Variants in PHF21A observed in about 807,000 individuals in gnomAD.
The protein encoded by PHF21A is BHC80a.
PHF21A carries 11 observed loss-of-function variants against 82.5 expected under a neutral mutation model. The ratio of observed to expected loss-of-function variants is 0.13; its 90% CI spans 0.08 to 0.22. The LOEUF (loss-of-function observed/expected upper bound fraction) is 0.22. PHF21A is among the 10% of genes least tolerant of loss of function. The probability of loss-of-function intolerance (pLI) is 1.00; values close to 1 mark genes in which losing one functional copy is unlikely to be tolerated. For missense variants in PHF21A, 579 were observed against 837.8 expected, an observed-to-expected ratio of 0.69 and a Z score of 3.81; for synonymous variants, 297 against 302.8, an observed-to-expected ratio of 0.98 and a Z score of 0.20.
chr11:46,064,309 C>T (rs992973435), intron 6 of PHF21A, among the ~76,000 whole-genome samples: 5 of 152,048 alleles, frequency 3.3e-5, no homozygotes, highest in East Asian at 1.9e-4. Flanking sequence ...GATGGAGGTG[C>T]GAGCAGGAGA....
At chr11:46,007,587 T>C (rs2095324808) in intron 6 of PHF21A, among the ~76,000 whole-genome samples, 1 of 152,192 alleles carries the variant, frequency 6.6e-6, no homozygotes, top group Admixed American at 6.5e-5. Context: ...GTGCTGGGTA[T>C]TACAGGTGTG....
chr11:45,934,431 T>C (rs1453314636), intron 18 of PHF21A: 2 of 542,012 alleles, frequency 3.7e-6, no homozygotes, highest in African/African-American at 2.0e-5. Flanking sequence ...GGCTGGGGGG[T>C]CCCAGGTCCC....
At chr11:46,099,068 CA>C (rs1216876755) in intron 1 of PHF21A, among the ~76,000 whole-genome samples, 5 of 152,068 alleles carry the variant, frequency 3.3e-5, no homozygotes, top group Non-Finnish European at 7.4e-5. Flanking sequence ...AAGAACAACA[CA>C]TTAAGAAAAT....
At chr11:45,953,347 A>G (rs924353611) in intron 11 of PHF21A, among the ~76,000 whole-genome samples, 180 bp downstream of exon 11, 1 of 152,082 alleles carries the variant, frequency 6.6e-6, no homozygotes, top group African/African-American at 2.4e-5. Flanking sequence ...TCAAGACTAC[A>G]GTCTAAGAAT....
At chr11:45,952,464 T>G (rs2092251791) in intron 11 of PHF21A, among the ~76,000 whole-genome samples, 1 of 152,222 alleles carries the variant, frequency 6.6e-6, no homozygotes, top group South Asian at 2.1e-4. Context: ...GGCTGGATCC[T>G]TCAGTTTCCT....
rs1006059156 is a variant in PHF21A at position 45,931,751 on chromosome 11, T to C, written c.*2217A>G. On this transcript the variant is annotated 3_prime_UTR_variant, in exon 19 of 19. Coordinates refer to ENST00000676320, the MANE Select transcript of PHF21A (RefSeq NM_001352027.3). The stretch of plus-strand genomic sequence containing the variant: ...GGGAGATGCTCCAGCAGGGCCAGGG[T>C]ACAGAGCCTCCACCGCCCTCCCATC... 5.3e-5 allele frequency: 8 copies of C among 152,052 alleles called. No individual in the cohort carries two copies. The highest frequency in any genetic ancestry group is 1.2e-4 in the Non-Finnish European group (8 of 68,108). The allele number at this position is 152,052 out of a possible 1,614,324, so 9.4% of individuals were successfully genotyped here. A position where few individuals can be genotyped will look rare whatever the true frequency, so the allele number is the denominator to read the frequency against.
chr11:45,938,046 A>G, intron 16 of PHF21A, 111 bp downstream of exon 16: 1 of 913,090 alleles, frequency 1.1e-6, no homozygotes, highest in East Asian at 2.6e-5. Flanking sequence ...TGCAGCCCGG[A>G]GACGGACTGG....
chr11:45,931,898 G>A lies in PHF21A; in HGVS notation c.*2070C>T, dbSNP rs568430611. On this transcript the variant is annotated 3_prime_UTR_variant, in exon 19 of 19. Transcript: ENST00000676320. Reference sequence around the variant, plus strand: ...TTCACAACCCTGGTTTTCTCAAGGAGAGGCCACAACCGGCCAAGCCGAGGC... The same window carrying A: ...TTCACAACCCTGGTTTTCTCAAGGAAAGGCCACAACCGGCCAAGCCGAGGC... 1.3e-5 allele frequency: 2 copies of A among 152,386 alleles called. No homozygotes were observed. Among genetic ancestry groups the A allele is most frequent in the South Asian group, 4.1e-4 (2 of 4,824 alleles). 9.4% of individuals were successfully genotyped at this position (152,386 alleles called of 1,614,324 possible).
chr11:45,956,034 A>C (rs1272331134), intron 10 of PHF21A, among the ~76,000 whole-genome samples: 1 of 152,206 alleles, frequency 6.6e-6, no homozygotes, highest in Non-Finnish European at 1.5e-5. Flanking sequence ...AGTGCTGAGC[A>C]AAAAAACCCC....
At position 45,991,019 on chromosome 11, in the gene PHF21A, C is replaced by T. The variant is rs76773787; in HGVS notation, c.154-11053G>A. On this transcript the variant is annotated intron_variant, in intron 6 of 18. Transcript: ENST00000676320. ...GAGTAGTTTCACTGTCCTGAAATTC[C>T]TCTATGCCTGTCTATTCAGCACAAC... is the stretch of plus-strand genomic sequence containing the variant. Among the ~76,000 whole-genome samples, 517 of 152,266 alleles carry T rather than the reference C, an allele frequency of 3.4e-3. 3 individuals carry two copies. The highest frequency in any genetic ancestry group is 5.1e-3 in the Non-Finnish European group (344 of 68,014).
intron 15 of PHF21A, among the ~76,000 whole-genome samples, chr11:45,943,934 G>A (rs186301931): frequency 2.6e-5 from 4 of 152,216 alleles, no homozygotes; most frequent in East Asian, 1.9e-4. Context: ...CAATCCAAAC[G>A]GAGAGGCATT....
chr11:45,953,631 A>G lies in PHF21A; in HGVS notation c.997-6T>C, dbSNP rs2092373098. 1 of 1,589,130 alleles carries G rather than the reference A, an allele frequency of 6.3e-7. No homozygotes were observed. Reference sequence around the variant, plus strand: ...TCTGTGTGAGATTTAACTGTCTAGGAGAGAAAAATTAAATAAAAATTCAGA... The same window carrying G: ...TCTGTGTGAGATTTAACTGTCTAGGGGAGAAAAATTAAATAAAAATTCAGA... On this transcript the variant is annotated splice_region_variant and splice_polypyrimidine_tract_variant and intron_variant, in intron 10 of 18. Transcript: ENST00000676320.
chr11:46,098,245 A>G lies in PHF21A; in HGVS notation c.-236-6022T>C, dbSNP rs1409679515. 2.0e-5 allele frequency among the ~76,000 whole-genome samples: 3 copies of G among 152,226 alleles called. No homozygotes were observed. In the East Asian group the frequency reaches 5.8e-4, roughly 29 times the overall value. ...GAAGTAATAAAAATCCACAATTCAC[A>G]GATGGGTGTAGTAAACACTGATTAT... is the stretch of plus-strand genomic sequence containing the variant. On this transcript the variant is annotated intron_variant, in intron 1 of 18. Transcript: ENST00000676320.
At chr11:45,953,335 C>T (rs1200272296) in intron 11 of PHF21A, among the ~76,000 whole-genome samples, 192 bp downstream of exon 11, 2 of 152,180 alleles carry the variant, frequency 1.3e-5, no homozygotes, top group Non-Finnish European at 2.9e-5. Context: ...GTGCATGGAC[C>T]CTCAAGACTA....
chr11:45,999,204 A>C (rs1331262554), intron 6 of PHF21A, among the ~76,000 whole-genome samples: 1 of 152,224 alleles, frequency 6.6e-6, no homozygotes, highest in Non-Finnish European at 1.5e-5. Context: ...CAGAGAAGAG[A>C]GCAGTAAATA....
intron 6 of PHF21A, among the ~76,000 whole-genome samples, chr11:46,002,087 A>G (rs1053136314): frequency 1.9e-4 from 29 of 152,370 alleles, no homozygotes; most frequent in African/African-American, 7.0e-4. Context: ...ACTAATATAT[A>G]AAAATAAAGC....
At chr11:45,943,711 C>G (rs2090804073) in intron 15 of PHF21A, among the ~76,000 whole-genome samples, 1 of 152,164 alleles carries the variant, frequency 6.6e-6, no homozygotes, top group South Asian at 2.1e-4. Context: ...CATACAGACT[C>G]AAAGCTATCT....
intron 7 of PHF21A, among the ~76,000 whole-genome samples, chr11:45,971,581 T>C (rs1018516385): frequency 1.3e-5 from 2 of 152,208 alleles, no homozygotes; most frequent in African/African-American, 4.8e-5. Flanking sequence ...GTTCTCATAT[T>C]GGTGTCACTT....
At position 45,931,206 on chromosome 11, in the gene PHF21A, C is replaced by T. The variant is rs1477487447; in HGVS notation, c.*2762G>A. ...GTCCTCCGACCCAAGACTCCTAAGG[C>T]AGCTCCTCTCTGAGCAAAGGCCTCT... is the stretch of plus-strand genomic sequence containing the variant. On this transcript the variant is annotated 3_prime_UTR_variant, in exon 19 of 19. Transcript: ENST00000676320. 3 of 152,330 alleles carry T rather than the reference C, an allele frequency of 2.0e-5. No individual in the cohort carries two copies. Among genetic ancestry groups the T allele is most frequent in the Admixed American group, 2.0e-4 (3 of 15,288 alleles). 9.4% of individuals were successfully genotyped at this position (152,330 alleles called of 1,614,324 possible).
Sources: allele counts gnomAD v4.1 joint callset (sites outside exome capture counted in the v4.1 genomes callset), GRCh38; gene constraint gnomAD v4.1.1; transcripts MANE v1.5; gene names NCBI Gene and HGNC (gene_info 2026-07-23, HGNC 2026-07-21).